The following KIAA0825 variants were observed in gnomAD, a reference collection of about 807,000 sequenced individuals.
KIAA0825 encodes uncharacterized protein KIAA0825.
A neutral mutation model predicts 147.6 loss-of-function variants in KIAA0825; 119 were observed. The observed-to-expected ratio is 0.81, with a 90% CI of 0.69 to 0.94. The LOEUF (loss-of-function observed/expected upper bound fraction) is 0.94, where lower values mean the gene tolerates loss of function less well. KIAA0825 is among the 40% of genes least tolerant of loss of function. The pLI is 0.00. For missense variants in KIAA0825, 1,381 were observed against 1,472.7 expected, an observed-to-expected ratio of 0.94 and a Z score of 1.02; for synonymous variants, 470 against 518.1, an observed-to-expected ratio of 0.91 and a Z score of 1.26.
At chr5:94,514,932 G>A (rs890640483) in intron 5 of KIAA0825, among the ~76,000 whole-genome samples, 1 of 152,064 alleles carries the variant, frequency 6.6e-6, no homozygotes, top group Non-Finnish European at 1.5e-5. Context: ...GGTGATTCAG[G>A]TCAACCTTTC....
At chr5:94,227,559 A>G (rs1286132922) in intron 20 of KIAA0825, among the ~76,000 whole-genome samples, 2 of 151,952 alleles carry the variant, frequency 1.3e-5, no homozygotes, top group Non-Finnish European at 2.9e-5. Flanking sequence ...ATAATAAAAT[A>G]AAATAAAAAA....
At chr5:94,429,868 G>C (rs996359007) in intron 14 of KIAA0825, among the ~76,000 whole-genome samples, 1 of 152,220 alleles carries the variant, frequency 6.6e-6, no homozygotes, top group Non-Finnish European at 1.5e-5. Context: ...GCCTAAACTT[G>C]TAATCTAGGA....
intron 2 of KIAA0825, among the ~76,000 whole-genome samples, chr5:94,578,924 T>C (rs1781555370): frequency 6.6e-6 from 1 of 152,104 alleles, no homozygotes; most frequent in Admixed American, 6.5e-5. Context: ...ACTGCTTATG[T>C]TTCTTTCTTT....
chr5:94,207,810 T>C (rs1772343889), intron 20 of KIAA0825, among the ~76,000 whole-genome samples: 2 of 152,200 alleles, frequency 1.3e-5, no homozygotes, highest in South Asian at 4.1e-4. Context: ...AACACTTCTT[T>C]ACCTTAAAGT....
At chr5:94,313,384 A>C (rs1779349185) in intron 20 of KIAA0825, among the ~76,000 whole-genome samples, 1 of 151,716 alleles carries the variant, frequency 6.6e-6, no homozygotes, top group African/African-American at 2.4e-5. Flanking sequence ...CTGTACTGGC[A>C]AAATGCCAGC....
chr5:94,427,961 C>G (rs377354783), intron 14 of KIAA0825, among the ~76,000 whole-genome samples: 4 of 152,002 alleles, frequency 2.6e-5, no homozygotes, highest in South Asian at 2.1e-4. Flanking sequence ...TATGTAATGC[C>G]CTTCTTTCTT....
chr5:94,389,115 T>C (rs1479779720), intron 18 of KIAA0825, among the ~76,000 whole-genome samples: 1 of 152,140 alleles, frequency 6.6e-6, no homozygotes, highest in Non-Finnish European at 1.5e-5. Context: ...CAACCCGAGA[T>C]CCATTCCTTA....
chr5:94,336,723 C>T (rs1231618675), intron 20 of KIAA0825, among the ~76,000 whole-genome samples: 8 of 151,976 alleles, frequency 5.3e-5, no homozygotes, highest in East Asian at 1.9e-4. Context: ...AGTAAGCATA[C>T]GTGTTCATGT....
At chr5:94,446,893 G>A (rs1757797236) in intron 13 of KIAA0825, among the ~76,000 whole-genome samples, 1 of 152,138 alleles carries the variant, frequency 6.6e-6, no homozygotes, top group Admixed American at 6.6e-5. Context: ...AGAGAGAGAT[G>A]ATGGTAGTTG....
At chr5:94,411,018 T>C (rs773796266) in intron 15 of KIAA0825, among the ~76,000 whole-genome samples, 3 of 152,076 alleles carry the variant, frequency 2.0e-5, no homozygotes, top group Non-Finnish European at 4.4e-5. Context: ...AACAATAAAT[T>C]GTAGGGTTTA....
At position 94,494,244 on chromosome 5, in the gene KIAA0825, T is replaced by C. The variant is rs182033562; in HGVS notation, c.971-9314A>G. ...CTGGCAAAACCTGTCAGTATTACAT[T>C]AGCAAGAAATCTGACTTCTTGCTCA... On this transcript the variant is annotated intron_variant, in intron 5 of 20. Transcript: ENST00000682413. 1.1e-3 allele frequency among the ~76,000 whole-genome samples: 166 copies of C among 152,022 alleles called. 1 individual carries two copies. Among genetic ancestry groups the C allele is most frequent in the African/African-American group, 3.8e-3 (157 of 41,440 alleles).
chr5:94,440,666 A>T (rs1417985845), intron 13 of KIAA0825, among the ~76,000 whole-genome samples: 1 of 152,076 alleles, frequency 6.6e-6, no homozygotes, highest in Non-Finnish European at 1.5e-5. Context: ...TGCTGCTATT[A>T]AACTGTTACC....
At chr5:94,500,639 T>G (rs1014320180) in intron 5 of KIAA0825, among the ~76,000 whole-genome samples, 1 of 152,142 alleles carries the variant, frequency 6.6e-6, no homozygotes, top group Non-Finnish European at 1.5e-5. Flanking sequence ...CATTTAGCTG[T>G]AGAAGTATGA....
rs571171596 is a variant in KIAA0825, at chr5:94,234,323, A to G, written c.3711-80199T>C. Among the ~76,000 whole-genome samples, 216 of 152,080 alleles carry G rather than the reference A, an allele frequency of 1.4e-3. 1 individual carries two copies. Among genetic ancestry groups the G allele is most frequent in the African/African-American group, 4.7e-3 (195 of 41,524 alleles). ...GAGGCGGAGCTTGCAGTGAGCCGAG[A>G]TCGCGCCACTGCACTCCAGCCTGGG... is the stretch of plus-strand genomic sequence containing the variant. On this transcript the variant is annotated intron_variant, in intron 20 of 20. Transcript: ENST00000682413.
At chr5:94,241,677 GT>G (rs1228338886) in intron 20 of KIAA0825, among the ~76,000 whole-genome samples, 1 of 152,166 alleles carries the variant, frequency 6.6e-6, no homozygotes, top group Admixed American at 6.6e-5. Flanking sequence ...CATTTGGGGA[GT>G]TTCAAAGAGG....
intron 20 of KIAA0825, among the ~76,000 whole-genome samples, chr5:94,191,584 ATAAC>A (rs1283915126): frequency 1.3e-5 from 2 of 152,232 alleles, no homozygotes; most frequent in East Asian, 1.9e-4. Context: ...TTAAGTTTCT[ATAAC>A]TAACCTACAT....
chr5:94,198,766 AAAC>A (rs1472447062), intron 20 of KIAA0825, among the ~76,000 whole-genome samples: 4 of 152,260 alleles, frequency 2.6e-5, no homozygotes, highest in East Asian at 3.9e-4. Flanking sequence ...AACTTACAGT[AAAC>A]AACAACAACA....
chr5:94,382,775 A>G (rs1748595021), intron 20 of KIAA0825, among the ~76,000 whole-genome samples: 1 of 152,198 alleles, frequency 6.6e-6, no homozygotes, highest in African/African-American at 2.4e-5. Context: ...AAACAAAAAT[A>G]TGCAATTCTG....
chr5:94,568,077 C>A (rs114365608), intron 2 of KIAA0825: 2,958 of 164,548 alleles, frequency 0.018, 74 homozygotes, highest in African/African-American at 0.057. Flanking sequence ...ATGGTAGTCA[C>A]AATCGGCATC....
Sources: allele counts gnomAD v4.1 joint callset (sites outside exome capture counted in the v4.1 genomes callset), GRCh38; gene constraint gnomAD v4.1.1; transcripts MANE v1.5; gene names NCBI Gene and HGNC (gene_info 2026-07-23, HGNC 2026-07-21).